Variants in TMOD3 observed in about 807,000 individuals in gnomAD.
TMOD3 encodes tropomodulin-3.
TMOD3 carries 20 observed loss-of-function variants against 39.2 expected under a neutral mutation model. That is an observed-to-expected ratio of 0.51 (90% CI 0.36 to 0.74). TMOD3 has a LOEUF of 0.74. Among genes scored for constraint, TMOD3 ranks in the 30% least tolerant of loss-of-function variants. TMOD3 has a pLI of 0.00. For synonymous variants in TMOD3, 143 were observed against 145.8 expected (o/e 0.98, Z 0.14); for missense variants, 381 against 412.8 (o/e 0.92, Z 0.67).
chr15:51,875,861 A>G (rs575870973), intron 3 of TMOD3, among the ~76,000 whole-genome samples: 2 of 151,782 alleles, frequency 1.3e-5, no homozygotes, highest in Admixed American at 1.3e-4. Context: ...CTCGTGATCC[A>G]CCCACCTTGG....
At position 51,883,574 on chromosome 15, in the gene TMOD3, A is replaced by AT. The variant is rs985395870; in HGVS notation, c.284-4008dup. Among the ~76,000 whole-genome samples the AT allele has an allele frequency of 3.3e-5, 5 of 152,130 alleles. No individual in the cohort carries two copies. The East Asian group carries it at 7.7e-4, about 23-fold the overall frequency. On this transcript the variant is annotated intron_variant, in intron 3 of 9. Transcript: ENST00000308580. ...ATACATATTAGCTCACATACTGATC[A>AT]TTTTTTTGTGGCAAGTAGCTTGTAT...
chr15:51,874,545 T>G (rs1406225896), intron 3 of TMOD3, among the ~76,000 whole-genome samples: 2 of 152,262 alleles, frequency 1.3e-5, no homozygotes, highest in Non-Finnish European at 2.9e-5. Flanking sequence ...AAATTCTCAG[T>G]GCTGATTATT....
intron 9 of TMOD3, among the ~76,000 whole-genome samples, chr15:51,902,680 T>G (rs538502664): frequency 1.3e-4 from 18 of 139,568 alleles, no homozygotes; most frequent in South Asian, 2.4e-4. Context: ...GACAGAGTCT[T>G]GCTCTGTCGC....
chr15:51,838,970 T>A (rs75256929), intron 1 of TMOD3, among the ~76,000 whole-genome samples: 4,739 of 152,166 alleles, frequency 0.031, 118 homozygotes, highest in Non-Finnish European at 0.05. Context: ...AGATGTGGCT[T>A]TGTTATGTTG....
chr15:51,908,391 T>C (rs1175136391), intron 9 of TMOD3, among the ~76,000 whole-genome samples: 1 of 152,182 alleles, frequency 6.6e-6, no homozygotes, highest in East Asian at 1.9e-4. Context: ...CTAGGCAAGA[T>C]AGTGAGACCT....
At chr15:51,857,791 T>G (rs2056395592) in intron 1 of TMOD3, among the ~76,000 whole-genome samples, 1 of 152,186 alleles carries the variant, frequency 6.6e-6, no homozygotes, top group South Asian at 2.1e-4. Context: ...ATTAAATTAT[T>G]CTTGGTACAT....
intron 3 of TMOD3, among the ~76,000 whole-genome samples, chr15:51,876,621 C>T (rs1201814510): frequency 6.6e-6 from 1 of 152,058 alleles, no homozygotes; most frequent in Non-Finnish European, 1.5e-5. Context: ...GCCACCTCGC[C>T]CGGCTAATTT....
chr15:51,860,402 C>T (rs1405152754), intron 1 of TMOD3: 1 of 545,402 alleles, frequency 1.8e-6, no homozygotes, highest in Non-Finnish European at 3.7e-6. Context: ...CTTGCTTTTC[C>T]TTCCTCAGTT....
intron 9 of TMOD3, among the ~76,000 whole-genome samples, chr15:51,903,359 AT>A (rs1223892374): frequency 6.6e-6 from 1 of 152,268 alleles, no homozygotes; most frequent in Non-Finnish European, 1.5e-5. Flanking sequence ...ATTTTTAAAG[AT>A]GCATCTTAGA....
intron 3 of TMOD3, among the ~76,000 whole-genome samples, chr15:51,886,511 C>CA (rs1265575144): frequency 6.6e-6 from 1 of 152,092 alleles, no homozygotes; most frequent in Non-Finnish European, 1.5e-5. Flanking sequence ...CCAAAGAATA[C>CA]AAAAACCAGT....
Position 51,858,714 on chromosome 15 carries a change from A to G in TMOD3, c.-74-4097A>G, listed in dbSNP as rs894994383. Among the ~76,000 whole-genome samples the G allele has an allele frequency of 5.9e-5, 9 of 152,358 alleles. No homozygotes were observed. The South Asian group carries it at 8.3e-4, about 14-fold the overall frequency. ...AAAACTGTACTTTCTCCTTCATTTT[A>G]ACTGGCTCCTAGCTAGATTAGAGAT... On this transcript the variant is annotated intron_variant, in intron 1 of 9. Coordinates refer to ENST00000308580, the MANE Select transcript of TMOD3 (RefSeq NM_014547.5).
rs114940675 is a variant in TMOD3 at position 51,871,620 on chromosome 15, G to A, written c.283+2247G>A. On this transcript the variant is annotated intron_variant, in intron 3 of 9. Transcript: ENST00000308580. Reference sequence around the variant, plus strand: ...ATATGCCCTTGTTTCATAATCTCCAGTTACCTAGGAAAATATCTTGGAGGA... The same window carrying A: ...ATATGCCCTTGTTTCATAATCTCCAATTACCTAGGAAAATATCTTGGAGGA... 8.6e-3 allele frequency among the ~76,000 whole-genome samples: 1,310 copies of A among 152,190 alleles called. 25 individuals are homozygous for A. Among genetic ancestry groups the A allele is most frequent in the African/African-American group, 0.03 (1,256 of 41,506 alleles).
At chr15:51,852,611 A>G (rs2056367984) in intron 1 of TMOD3, among the ~76,000 whole-genome samples, 1 of 152,084 alleles carries the variant, frequency 6.6e-6, no homozygotes, top group South Asian at 2.1e-4. Context: ...TCAAAAATTC[A>G]TTTTCAGCCC....
intron 6 of TMOD3, among the ~76,000 whole-genome samples, chr15:51,895,216 CTTTTT>C (rs974778013): frequency 7.2e-6 from 1 of 138,142 alleles, no homozygotes; most frequent in Admixed American, 7.3e-5. Flanking sequence ...TGATTACTAA[CTTTTT>C]TTTTTTTTTT....
chr15:51,853,941 A>G (rs967827817), intron 1 of TMOD3, among the ~76,000 whole-genome samples: 1 of 152,194 alleles, frequency 6.6e-6, no homozygotes, highest in African/African-American at 2.4e-5. Flanking sequence ...AGTTGAGGAT[A>G]GAGGTAGATG....
At chr15:51,854,252 C>T (rs1426943239) in intron 1 of TMOD3, among the ~76,000 whole-genome samples, 1 of 152,170 alleles carries the variant, frequency 6.6e-6, no homozygotes, top group Non-Finnish European at 1.5e-5. Flanking sequence ...CATTGTAGCA[C>T]AAAAGCAGCC....
At chr15:51,863,048 T>C (rs2056427270) in intron 2 of TMOD3, 38 bp downstream of exon 2, 1 of 1,590,362 alleles carries the variant, frequency 6.3e-7, no homozygotes, top group Non-Finnish European at 8.5e-7. Flanking sequence ...AAATAACTTT[T>C]CGAATTCTTT....
At chr15:51,887,436 A>G in intron 3 of TMOD3, 153 bp from the exon 4 acceptor site, 1 of 811,502 alleles carries the variant, frequency 1.2e-6, no homozygotes, top group Non-Finnish European at 1.9e-6. Flanking sequence ...ATTACGCTGG[A>G]AACTTAAAAA....
chr15:51,898,620 A>G (rs754973206), intron 7 of TMOD3, among the ~76,000 whole-genome samples: 1 of 152,216 alleles, frequency 6.6e-6, no homozygotes, highest in Non-Finnish European at 1.5e-5. Flanking sequence ...TCACATAGCT[A>G]GTTGTTGCTA....
Sources: allele counts gnomAD v4.1 joint callset (sites outside exome capture counted in the v4.1 genomes callset), GRCh38; gene constraint gnomAD v4.1.1; transcripts MANE v1.5; gene names NCBI Gene and HGNC (gene_info 2026-07-23, HGNC 2026-07-21).